The following HHAT variants were observed in gnomAD, a reference collection of about 807,000 sequenced individuals.
HHAT encodes the protein hedgehog acyltransferase, also known as protein-cysteine N-palmitoyltransferase HHAT.
HHAT carries 47 observed loss-of-function variants against 70.8 expected under a neutral mutation model. The observed-to-expected ratio is 0.66, with a 90% CI of 0.53 to 0.85. The LOEUF (loss-of-function observed/expected upper bound fraction) is 0.85. Among genes scored for constraint, HHAT ranks in the 40% least tolerant of loss-of-function variants. HHAT has a pLI of 0.00. For synonymous variants in HHAT, 228 were observed against 247.6 expected (o/e 0.92, Z 0.74); for missense variants, 609 against 604.8 (o/e 1.01, Z -0.07).
intron 8 of HHAT, among the ~76,000 whole-genome samples, chr1:210,480,706 G>A (rs1355312323): frequency 1.3e-5 from 2 of 152,178 alleles, no homozygotes; most frequent in Non-Finnish European, 1.5e-5. Flanking sequence ...CAGCTTCAGA[G>A]CCTGCAGGTA....
intron 7 of HHAT, among the ~76,000 whole-genome samples, chr1:210,460,281 G>A (rs973828159): frequency 6.6e-6 from 1 of 152,176 alleles, no homozygotes; most frequent in Non-Finnish European, 1.5e-5. Flanking sequence ...TGGGATGAAA[G>A]ATACAGTTGC....
At chr1:210,532,341 A>C (rs1398020170) in intron 9 of HHAT, among the ~76,000 whole-genome samples, 2 of 152,194 alleles carry the variant, frequency 1.3e-5, no homozygotes, top group Non-Finnish European at 2.9e-5. Flanking sequence ...TGTGCTACTG[A>C]GAGGAGGTTC....
chr1:210,616,256 C>G (rs1246805913), intron 10 of HHAT, among the ~76,000 whole-genome samples: 1 of 152,190 alleles, frequency 6.6e-6, no homozygotes, highest in Non-Finnish European at 1.5e-5. Context: ...TATATAGTCA[C>G]TGTGTTGTAC....
intron 9 of HHAT, among the ~76,000 whole-genome samples, chr1:210,537,158 C>T (rs145222774): frequency 2.5e-3 from 381 of 152,216 alleles, no homozygotes; most frequent in African/African-American, 8.4e-3. Context: ...AAAATAAACA[C>T]TGAAAAGTAG....
intron 10 of HHAT, among the ~76,000 whole-genome samples, chr1:210,604,982 A>G (rs1665081869): frequency 6.6e-6 from 1 of 151,626 alleles, no homozygotes; most frequent in Non-Finnish European, 1.5e-5. Flanking sequence ...TACTTGGCAA[A>G]TAGCTATTGT....
intron 9 of HHAT, among the ~76,000 whole-genome samples, chr1:210,578,326 C>G (rs1658380508): frequency 6.6e-6 from 1 of 151,612 alleles, no homozygotes; most frequent in African/African-American, 2.4e-5. Context: ...CTATTATTTT[C>G]TAGAAAAAAA....
chr1:210,332,780 G>C (rs2085106941), intron 1 of HHAT, among the ~76,000 whole-genome samples: 1 of 152,236 alleles, frequency 6.6e-6, no homozygotes, highest in Non-Finnish European at 1.5e-5. Flanking sequence ...CTTGGAGAAT[G>C]TGAGTCACCT....
intron 10 of HHAT, among the ~76,000 whole-genome samples, chr1:210,596,577 T>C (rs960173181): frequency 6.6e-6 from 1 of 152,014 alleles, no homozygotes; most frequent in Non-Finnish European, 1.5e-5. Context: ...AATTCTTTCT[T>C]CTGCTTGATC....
chr1:210,645,833 T>C (rs1673936025), intron 11 of HHAT, among the ~76,000 whole-genome samples: 1 of 152,180 alleles, frequency 6.6e-6, no homozygotes, highest in African/African-American at 2.4e-5. Context: ...TAGTGGTTCA[T>C]GCACTGGAAA....
In HHAT at chr1:210,456,545, G is replaced by C. The variant is rs375349708; in HGVS notation, c.857-7960G>C. Among the ~76,000 whole-genome samples the C allele has an allele frequency of 1.3e-4, 20 of 152,304 alleles. No individual in the cohort carries two copies. In the South Asian group the frequency reaches 2.1e-3, roughly 16 times the overall value. ...ATATTATTGCTGTACTATGAGTAGG[G>C]GATTTTGTGATATAGACCGTGCACA... On this transcript the variant is annotated intron_variant, in intron 7 of 11. Transcript: ENST00000261458.
chr1:210,565,314 C>T (rs1004862126), intron 9 of HHAT, among the ~76,000 whole-genome samples: 5 of 152,128 alleles, frequency 3.3e-5, no homozygotes, highest in African/African-American at 9.7e-5. Flanking sequence ...TAAGTCTGCC[C>T]TGAAACAAAT....
In HHAT at chr1:210,643,125, C is replaced by T. The variant is rs1418638744; in HGVS notation, c.1390+19455C>T. On this transcript the variant is annotated intron_variant, in intron 11 of 11. Coordinates refer to ENST00000261458, the MANE Select transcript of HHAT (RefSeq NM_018194.6). ...CCATTGTATCCCCCACAGATGTGTA[C>T]TACAGCCTTTGTCATAAATCAAATG... Among the ~76,000 whole-genome samples the T allele has an allele frequency of 4.6e-5, 7 of 152,316 alleles. No homozygotes were observed. In the South Asian group the frequency reaches 8.3e-4, roughly 18 times the overall value.
intron 11 of HHAT, among the ~76,000 whole-genome samples, chr1:210,628,894 G>C (rs1670343702): frequency 6.6e-6 from 1 of 152,164 alleles, no homozygotes; most frequent in African/African-American, 2.4e-5. Flanking sequence ...TTTCATTTCT[G>C]ATGAAAGAGG....
chr1:210,515,771 A>AG (rs2095045026), intron 9 of HHAT, among the ~76,000 whole-genome samples: 1 of 151,336 alleles, frequency 6.6e-6, no homozygotes, highest in Non-Finnish European at 1.5e-5. Flanking sequence ...AAAAAAAAAA[A>AG]AAAAAAGTAT....
At chr1:210,365,240 GT>G (rs1192091296) in intron 3 of HHAT, among the ~76,000 whole-genome samples, 1 of 147,278 alleles carries the variant, frequency 6.8e-6, no homozygotes, top group Non-Finnish European at 1.5e-5. Context: ...AGAAAGCTTA[GT>G]TTTCTGACCA....
intron 8 of HHAT, among the ~76,000 whole-genome samples, chr1:210,507,684 T>G (rs2094884613): frequency 6.6e-6 from 1 of 152,052 alleles, no homozygotes; most frequent in Non-Finnish European, 1.5e-5. Context: ...TAGAGTTCAT[T>G]GCATTGCTAG....
intron 11 of HHAT, among the ~76,000 whole-genome samples, chr1:210,645,094 T>C (rs1398298050): frequency 6.6e-6 from 1 of 152,192 alleles, no homozygotes; most frequent in Non-Finnish European, 1.5e-5. Flanking sequence ...GTTAGTATAA[T>C]CTCTGCTTTA....
chr1:210,544,074 A>G (rs906875845), intron 9 of HHAT, among the ~76,000 whole-genome samples: 16 of 152,126 alleles, frequency 1.1e-4, no homozygotes, highest in African/African-American at 3.9e-4. Flanking sequence ...GCCCTCTCAA[A>G]CACTAGACCC....
intron 9 of HHAT, among the ~76,000 whole-genome samples, chr1:210,530,851 G>C (rs545616138): frequency 1.3e-5 from 2 of 152,098 alleles, no homozygotes; most frequent in East Asian, 3.9e-4. Flanking sequence ...TCTCTGTTCA[G>C]ATGCTCAAAG....
Sources: allele counts gnomAD v4.1 joint callset (sites outside exome capture counted in the v4.1 genomes callset), GRCh38; gene constraint gnomAD v4.1.1; transcripts MANE v1.5; gene names NCBI Gene and HGNC (gene_info 2026-07-23, HGNC 2026-07-21).